Variants in CFDP1 observed in about 807,000 individuals in gnomAD.
CFDP1 encodes the protein heterochromatin-stabilizing protein CFDP1.
CFDP1 carries 31 observed loss-of-function variants against 40.1 expected under a neutral mutation model. The ratio of observed to expected loss-of-function variants is 0.77; its 90% CI spans 0.58 to 1.04. CFDP1 has a LOEUF of 1.04. CFDP1 is among the 50% of genes least tolerant of loss of function. The probability of loss-of-function intolerance (pLI) is 0.00; values close to 1 mark genes in which losing one functional copy is unlikely to be tolerated. For synonymous variants in CFDP1, 167 were observed against 120.0 expected (o/e 1.39, Z -2.56); for missense variants, 423 against 343.4 (o/e 1.23, Z -1.83).
At chr16:75,303,510 C>CCCG (rs2078237544) in intron 6 of CFDP1, among the ~76,000 whole-genome samples, 1 of 146,622 alleles carries the variant, frequency 6.8e-6, no homozygotes, top group Non-Finnish European at 1.5e-5. Flanking sequence ...ATGACCCCCC[C>CCCG]CAATAAATCC....
intron 5 of CFDP1, among the ~76,000 whole-genome samples, chr16:75,392,332 G>T (rs894105889): frequency 1.3e-5 from 2 of 151,888 alleles, no homozygotes; most frequent in African/African-American, 4.8e-5. Flanking sequence ...TTGAACCCAG[G>T]AGGCAAAGGT....
At chr16:75,322,104 G>A (rs1027689063) in intron 5 of CFDP1, among the ~76,000 whole-genome samples, 2 of 152,220 alleles carry the variant, frequency 1.3e-5, no homozygotes, top group Admixed American at 1.3e-4. Flanking sequence ...GGTTACAGGC[G>A]TGAGCCACCG....
chr16:75,428,102 T>C lies in CFDP1; in HGVS notation c.64+5187A>G, dbSNP rs1446609140. ...GGGGCCGGGGGTGAGGGAGAGTTGT[T>C]TGACTACAAAGAGTAGCAGGGGAAA... On this transcript the variant is annotated intron_variant, in intron 1 of 6. Coordinates refer to ENST00000283882, the MANE Select transcript of CFDP1 (RefSeq NM_006324.3). 3.3e-5 allele frequency among the ~76,000 whole-genome samples: 5 copies of C among 151,950 alleles called. 1 individual carries two copies. The highest frequency in any genetic ancestry group is 1.2e-4 in the African/African-American group (5 of 41,388).
chr16:75,425,390 CAAAA>C (rs34282121), intron 1 of CFDP1, among the ~76,000 whole-genome samples: 70 of 99,020 alleles, frequency 7.1e-4, no homozygotes, highest in East Asian at 2.2e-3. Context: ...CCATCCCCCT[CAAAA>C]AAAAAAAAAA....
At chr16:75,416,222 T>A (rs2079203540) in intron 1 of CFDP1, among the ~76,000 whole-genome samples, 1 of 151,718 alleles carries the variant, frequency 6.6e-6, no homozygotes, top group Admixed American at 6.6e-5. Flanking sequence ...AAGCCTCCAA[T>A]ATGAAAGGCA....
intron 6 of CFDP1, among the ~76,000 whole-genome samples, chr16:75,303,759 C>T (rs967928786): frequency 1.3e-5 from 2 of 152,144 alleles, no homozygotes; most frequent in African/African-American, 4.8e-5. Flanking sequence ...GTAAGCAATA[C>T]ATATATTATC....
intron 5 of CFDP1, among the ~76,000 whole-genome samples, chr16:75,365,731 AAAG>A (rs374355277): frequency 6.6e-5 from 10 of 152,314 alleles, no homozygotes; most frequent in African/African-American, 2.4e-4. Context: ...ACAAAAAACC[AAAG>A]AAGACATACA....
rs1567665414 is a variant in CFDP1 at position 75,384,854 on chromosome 16, ATATATATATATAT to A, written c.650+10223_650+10235del. 3.9e-3 allele frequency among the ~76,000 whole-genome samples: 481 copies of A among 124,892 alleles called. 9 individuals carry two copies. The highest frequency in any genetic ancestry group is 0.013 in the African/African-American group (368 of 28,152). The allele number at this position is 124,892 out of a possible 152,430, so 81.9% of individuals were successfully genotyped here. A position where few individuals can be genotyped will look rare whatever the true frequency, so the allele number is the denominator to read the frequency against. The stretch of plus-strand genomic sequence containing the variant: ...CAAGTTGCAAGAAGAAACTAAAACT[ATATATATATATAT>A]ATATATATATATATATATATATATA... On this transcript the variant is annotated intron_variant, in intron 5 of 6. Coordinates refer to ENST00000283882, the MANE Select transcript of CFDP1 (RefSeq NM_006324.3).
chr16:75,318,933 G>C (rs1423415695), intron 5 of CFDP1, among the ~76,000 whole-genome samples: 1 of 152,198 alleles, frequency 6.6e-6, no homozygotes, highest in Non-Finnish European at 1.5e-5. Flanking sequence ...CTTAAAACAA[G>C]TCATGCCTGC....
chr16:75,303,594 C>A (rs868417936), intron 6 of CFDP1, among the ~76,000 whole-genome samples: 1 of 146,826 alleles, frequency 6.8e-6, no homozygotes, highest in African/African-American at 2.5e-5. Flanking sequence ...CATAGGAGGC[C>A]GAGGCAGGAG....
intron 1 of CFDP1, among the ~76,000 whole-genome samples, chr16:75,418,598 C>T (rs143235535): frequency 0.015 from 2,347 of 152,114 alleles, 60 homozygotes; most frequent in African/African-American, 0.053. Context: ...CGTGAGCCAA[C>T]GCGCCCGGCT....
intron 5 of CFDP1, among the ~76,000 whole-genome samples, chr16:75,392,301 A>C (rs149272215): frequency 0.017 from 2,524 of 151,840 alleles, 82 homozygotes; most frequent in Admixed American, 0.068. Flanking sequence ...GCTACTCTGG[A>C]GGCTGACGCA....
At chr16:75,406,609 G>A (rs1330113287) in intron 4 of CFDP1, 1 of 152,292 alleles carries the variant, frequency 6.6e-6, no homozygotes, top group East Asian at 1.9e-4. Flanking sequence ...GCTGAGGCAG[G>A]AGAATGGTCT....
intron 5 of CFDP1, among the ~76,000 whole-genome samples, chr16:75,360,186 G>A (rs759467547): frequency 3.9e-5 from 6 of 152,128 alleles, no homozygotes; most frequent in Non-Finnish European, 5.9e-5. Context: ...GAGCCACTGC[G>A]CCCAGCCCAG....
chr16:75,383,298 T>C (rs972716838), intron 5 of CFDP1, among the ~76,000 whole-genome samples: 8 of 152,160 alleles, frequency 5.3e-5, no homozygotes, highest in African/African-American at 1.9e-4. Flanking sequence ...AATTCCTCAA[T>C]CCAAATTAAA....
chr16:75,377,760 T>C (rs1699180654), intron 5 of CFDP1, among the ~76,000 whole-genome samples: 1 of 152,210 alleles, frequency 6.6e-6, no homozygotes, highest in African/African-American at 2.4e-5. Flanking sequence ...TCTATTGTGT[T>C]CTCATAGGCA....
At chr16:75,334,383 G>A (rs912699934) in intron 5 of CFDP1, among the ~76,000 whole-genome samples, 2 of 151,186 alleles carry the variant, frequency 1.3e-5, no homozygotes, top group African/African-American at 2.4e-5. Flanking sequence ...CCCACCTGTC[G>A]AGACAATCCG....
intron 5 of CFDP1, among the ~76,000 whole-genome samples, chr16:75,311,132 G>A (rs1009672461): frequency 6.6e-6 from 1 of 152,154 alleles, no homozygotes; most frequent in Non-Finnish European, 1.5e-5. Flanking sequence ...TTATTTTATA[G>A]ATCAGTCAAC....
intron 1 of CFDP1, among the ~76,000 whole-genome samples, chr16:75,429,405 G>A (rs1405116770): frequency 6.6e-6 from 1 of 152,208 alleles, no homozygotes; most frequent in African/African-American, 2.4e-5. Context: ...TGTAATCCCA[G>A]CAGTTTGGGA....
Sources: gnomAD v4.1 joint callset for allele counts (sites outside exome capture counted in the v4.1 genomes callset) on GRCh38, gnomAD v4.1.1 for gene constraint, MANE v1.5 for transcripts, NCBI Gene and HGNC (gene_info 2026-07-23, HGNC 2026-07-21) for gene names.